The following NSF variants were observed in gnomAD, a reference collection of about 807,000 sequenced individuals.
The protein encoded by NSF is vesicle-fusing ATPase.
A neutral mutation model predicts 50.3 loss-of-function variants in NSF; 14 were observed. The observed-to-expected ratio is 0.28, with a 90% CI of 0.18 to 0.44. NSF has a LOEUF of 0.44. Ranked by LOEUF, NSF falls within the 20% of genes least tolerant of loss-of-function variation. NSF has a pLI of 1.00. For synonymous variants in NSF, 109 were observed against 175.7 expected, an observed-to-expected ratio of 0.62 and a Z score of 3.00; for missense variants, 218 against 504.3, an observed-to-expected ratio of 0.43 and a Z score of 5.44.
rs139970884 is a variant in NSF at position 46,752,887 on chromosome 17, C to G, written c.2157+1271C>G. Among the ~76,000 whole-genome samples, 59 of 152,306 alleles carry G rather than the reference C, an allele frequency of 3.9e-4. 2 individuals are homozygous for G. In the East Asian group the frequency reaches 0.011, roughly 29 times the overall value. ...GTTCAAGGGATTCTCCTGCCTCGGC[C>G]TCCTGAGTAGCTGGGATTACAGGCG... On this transcript the variant is annotated intron_variant, in intron 19 of 20. Coordinates refer to ENST00000398238, the MANE Select transcript of NSF (RefSeq NM_006178.4).
Position 46,749,814 on chromosome 17 carries a change from T to A in NSF, c.1950T>A (p.Asp650Glu). 1.2e-6 allele frequency: 2 copies of A among 1,614,096 alleles called. No individual in the cohort carries two copies. Among genetic ancestry groups the A allele is most frequent in the Non-Finnish European group, 1.7e-6 (2 of 1,179,978 alleles). The change falls in exon 18 of 21, where the codon GAT becomes GAA. Residue 650 changes from aspartate to glutamate, a missense_variant. This residue lies in a region of NSF where 209 missense variants were observed against 320.9 expected (regional missense o/e 0.65). Coordinates refer to ENST00000398238, the MANE Select transcript of NSF (RefSeq NM_006178.4). ...LLIIGTTSRK[D>E]VLQEMEMLNA... ...TCATTGGGACCACTAGCCGCAAAGA[T>A]GTCCTTCAGGAGATGGAAATGCTTA... is the stretch of plus-strand genomic sequence containing the variant.
chr17:46,712,682 G>A (rs1202138895), intron 14 of NSF, among the ~76,000 whole-genome samples: 1 of 152,174 alleles, frequency 6.6e-6, no homozygotes, highest in Non-Finnish European at 1.5e-5. Context: ...CCATGGGAGT[G>A]AACGAAATCA....
intron 19 of NSF, among the ~76,000 whole-genome samples, chr17:46,752,404 A>G (rs2059190132): frequency 6.6e-6 from 1 of 152,172 alleles, no homozygotes; most frequent in South Asian, 2.1e-4. Flanking sequence ...TATTGAGTCC[A>G]CAGCCCCTGG....
chr17:46,731,969 A>G (rs1598724938), intron 17 of NSF, among the ~76,000 whole-genome samples: 3 of 152,344 alleles, frequency 2.0e-5, no homozygotes, highest in African/African-American at 7.2e-5. Context: ...AGGCTGATCC[A>G]AGTGTTAAGA....
intron 17 of NSF, among the ~76,000 whole-genome samples, chr17:46,734,492 T>C (rs970458120): frequency 6.6e-6 from 1 of 152,170 alleles, no homozygotes; most frequent in Non-Finnish European, 1.5e-5. Context: ...TAGGTATACT[T>C]TGCTTAGTAT....
intron 15 of NSF, chr17:46,721,539 C>CTGTG: frequency 8.4e-7 from 1 of 1,188,764 alleles, no homozygotes; most frequent in Non-Finnish European, 1.2e-6. Flanking sequence ...CATTCTTTTT[C>CTGTG]TGTGTGTGTG....
chr17:46,598,635 C>T (rs1598633238), intron 1 of NSF, among the ~76,000 whole-genome samples: 2 of 151,918 alleles, frequency 1.3e-5, no homozygotes, highest in Non-Finnish European at 2.9e-5. Flanking sequence ...TAAAATTTGT[C>T]GAATCTAGTG....
chr17:46,741,312 G>A (rs1040960564), intron 17 of NSF, among the ~76,000 whole-genome samples: 1 of 152,130 alleles, frequency 6.6e-6, no homozygotes, highest in Non-Finnish European at 1.5e-5. Context: ...ATTGGAATTA[G>A]ATATCCTTTA....
At chr17:46,725,920 T>C (rs1238543481) in intron 15 of NSF, among the ~76,000 whole-genome samples, 1 of 152,238 alleles carries the variant, frequency 6.6e-6, no homozygotes, top group East Asian at 1.9e-4. Context: ...TTCTATCTGA[T>C]TTGAAATTAC....
At chr17:46,707,693 C>T (rs1301212362) in intron 13 of NSF, among the ~76,000 whole-genome samples, 1 of 152,124 alleles carries the variant, frequency 6.6e-6, no homozygotes, top group African/African-American at 2.4e-5. Context: ...GGTCAACCAT[C>T]TTGCAGCATG....
intron 9 of NSF, among the ~76,000 whole-genome samples, chr17:46,675,636 A>G (rs2058396890): frequency 7.4e-6 from 1 of 135,986 alleles, no homozygotes; most frequent in Admixed American, 8.1e-5. Context: ...ATCATAAGGA[A>G]AACACACACA....
chr17:46,750,003 C>G (rs2146338432), intron 18 of NSF, 96 bp downstream of exon 18: 1 of 1,363,596 alleles, frequency 7.3e-7, no homozygotes, highest in East Asian at 2.3e-5. Flanking sequence ...GGTTTTTATG[C>G]TAATCTGGAA....
rs1005782546 is a variant in NSF, at chr17:46,719,722, C to T, written c.1761+5736C>T. Among the ~76,000 whole-genome samples the T allele has an allele frequency of 2.6e-5, 4 of 152,088 alleles. No individual in the cohort carries two copies. Among genetic ancestry groups the T allele is most frequent in the African/African-American group, 9.7e-5 (4 of 41,412 alleles). On this transcript the variant is annotated intron_variant, in intron 15 of 20. Transcript: ENST00000398238. This position sits in a 1 kb window ranked among gnomAD's most constrained non-coding sequence, Gnocchi z 4.3. ...AATACTTGTTTAAAAATCTATTTTA[C>T]TAGTTCTATTCGTGCCATTAAATGA...
intron 4 of NSF, among the ~76,000 whole-genome samples, chr17:46,635,951 C>T (rs974076137): frequency 1.3e-5 from 1 of 76,746 alleles, no homozygotes; most frequent in Non-Finnish European, 2.7e-5. Flanking sequence ...CTACTCTTTC[C>T]TAATAGTACC....
intron 17 of NSF, among the ~76,000 whole-genome samples, chr17:46,742,405 C>CT (rs2146323931): frequency 6.6e-6 from 1 of 152,322 alleles, no homozygotes; most frequent in African/African-American, 2.4e-5. Flanking sequence ...TATTTATTAA[C>CT]TTTGTACTTT....
intron 17 of NSF, among the ~76,000 whole-genome samples, chr17:46,732,348 C>T (rs914493262): frequency 4.0e-5 from 6 of 151,542 alleles, no homozygotes; most frequent in Admixed American, 6.6e-5. Flanking sequence ...CTCCTTCCAC[C>T]CCTCCCCCAC....
intron 1 of NSF, among the ~76,000 whole-genome samples, chr17:46,611,641 CA>C (rs1200773052): frequency 2.8e-5 from 4 of 144,522 alleles, no homozygotes; most frequent in African/African-American, 1.1e-4. Context: ...ATCTTTTCAA[CA>C]AATGTTGCTG....
intron 19 of NSF, among the ~76,000 whole-genome samples, chr17:46,753,347 A>C (rs1212053287): frequency 1.3e-5 from 2 of 152,162 alleles, no homozygotes; most frequent in East Asian, 1.9e-4. Context: ...AATGCTTTTT[A>C]ATCTTTTCTG....
intron 12 of NSF, among the ~76,000 whole-genome samples, chr17:46,703,996 C>G (rs956897088): frequency 6.6e-6 from 1 of 150,908 alleles, no homozygotes; most frequent in African/African-American, 2.4e-5. Flanking sequence ...ATATGGTCCT[C>G]AAGGTTCGTC....
Sources: gnomAD v4.1 joint callset for allele counts (sites outside exome capture counted in the v4.1 genomes callset) on GRCh38, gnomAD v4.1.1 for gene constraint, gnomAD v4.1.1 regional missense constraint, Gnocchi (gnomAD v3.1) non-coding constraint, MANE v1.5 for transcripts, NCBI Gene and HGNC (gene_info 2026-07-23, HGNC 2026-07-21) for gene names.